The following TMEM217B variants were observed in gnomAD, a reference collection of about 807,000 sequenced individuals.
TMEM217B encodes the protein putative transmembrane protein 217B.
At chr6:37,215,394 G>A in the TMEM217B span, 1 of 1,282,428 alleles carries the variant, frequency 7.8e-7, no homozygotes, top group Admixed American at 2.5e-5. Flanking sequence ...AGCCAACATG[G>A]TGAAACCCCA....
the TMEM217B span, chr6:37,215,181 A>G: frequency 1.6e-5 from 25 of 1,612,294 alleles, no homozygotes; most frequent in African/African-American, 1.9e-4. Flanking sequence ...GGTACATTCT[A>G]TTCATTCAAT....
the TMEM217B span, among the ~76,000 whole-genome samples, chr6:37,229,346 T>TTTTTG: frequency 2.3e-5 from 3 of 128,202 alleles, 1 homozygote; most frequent in African/African-American, 9.2e-5. Flanking sequence ...TTTTTTTTTT[T>TTTTTG]TTTTTTTTTT....
chr6:37,233,233 C>T, the TMEM217B span, among the ~76,000 whole-genome samples: 1 of 152,058 alleles, frequency 6.6e-6, no homozygotes. Context: ...ATGTACCTTC[C>T]TCTTGCTCAT....
chr6:37,218,797 G>A, the TMEM217B span: 6 of 1,614,214 alleles, frequency 3.7e-6, no homozygotes, highest in Non-Finnish European at 5.1e-6. Flanking sequence ...GGAAGCAGCT[G>A]ATGAGGATGG....
the TMEM217B span, among the ~76,000 whole-genome samples, chr6:37,242,161 T>G: frequency 2.0e-5 from 3 of 152,172 alleles, no homozygotes; most frequent in Non-Finnish European, 4.4e-5. Flanking sequence ...CAGACTTCAG[T>G]GGTCCCACTG....
the TMEM217B span, among the ~76,000 whole-genome samples, chr6:37,252,597 G>A: frequency 5.1e-5 from 1 of 19,752 alleles, no homozygotes; most frequent in East Asian, 1.3e-3. Flanking sequence ...GTATGTGTGT[G>A]TGTGTGTGTG....
chr6:37,231,740 T>A, the TMEM217B span, among the ~76,000 whole-genome samples: 1 of 147,612 alleles, frequency 6.8e-6, no homozygotes, highest in South Asian at 2.1e-4. Flanking sequence ...ATATATATAT[T>A]ATATATATTA....
chr6:37,248,851 A>T, the TMEM217B span, among the ~76,000 whole-genome samples: 1 of 152,224 alleles, frequency 6.6e-6, no homozygotes, highest in Non-Finnish European at 1.5e-5. Context: ...GGCATAAAAC[A>T]ATAGAAATTT....
At chr6:37,253,802 C>T in the TMEM217B span, among the ~76,000 whole-genome samples, 3 of 152,196 alleles carry the variant, frequency 2.0e-5, no homozygotes, top group Non-Finnish European at 4.4e-5. Flanking sequence ...TGACTTTCCT[C>T]CTATAGTTCT....
chr6:37,247,714 C>T, the TMEM217B span, among the ~76,000 whole-genome samples: 2 of 152,156 alleles, frequency 1.3e-5, no homozygotes, highest in Non-Finnish European at 1.5e-5. Flanking sequence ...CAATGGACAA[C>T]AGGAGCTTAA....
At chr6:37,247,731 G>A in the TMEM217B span, among the ~76,000 whole-genome samples, 139,137 of 152,196 alleles carry the variant, frequency 0.91, 63,733 homozygotes, top group African/African-American at 0.98. Flanking sequence ...TTAATCCTGT[G>A]AAAAAAACTC....
chr6:37,245,973 A>AT, the TMEM217B span, among the ~76,000 whole-genome samples: 11 of 151,280 alleles, frequency 7.3e-5, no homozygotes, highest in East Asian at 1.9e-4. Flanking sequence ...CTAATTCTGT[A>AT]TTTTTTTTAG....
the TMEM217B span, among the ~76,000 whole-genome samples, chr6:37,252,528 A>G: frequency 6.6e-6 from 1 of 151,420 alleles, no homozygotes; most frequent in African/African-American, 2.4e-5. Flanking sequence ...ACATGCATAT[A>G]TATGTCAACA....
the TMEM217B span, among the ~76,000 whole-genome samples, chr6:37,248,510 T>C: frequency 6.6e-5 from 10 of 152,222 alleles, no homozygotes; most frequent in Non-Finnish European, 1.2e-4. Flanking sequence ...AATCTGCTTC[T>C]AGTTACTTCT....
chr6:37,228,973 G>C, the TMEM217B span, among the ~76,000 whole-genome samples: 1 of 151,768 alleles, frequency 6.6e-6, no homozygotes, highest in East Asian at 1.9e-4. Context: ...CTCCAGCCTG[G>C]GTGACAGAGA....
At chr6:37,217,522 G>T in the TMEM217B span, 1 of 566,466 alleles carries the variant, frequency 1.8e-6, no homozygotes, top group Non-Finnish European at 2.2e-6. Context: ...ACACTACAGA[G>T]TACAGCACAG....
chr6:37,219,953 A>G, the TMEM217B span, among the ~76,000 whole-genome samples: 1 of 152,234 alleles, frequency 6.6e-6, no homozygotes, highest in Non-Finnish European at 1.5e-5. Flanking sequence ...AATATGGATT[A>G]CAGTGAAAGA....
At chr6:37,252,589 ATG>A in the TMEM217B span, among the ~76,000 whole-genome samples, 43 of 29,602 alleles carry the variant, frequency 1.5e-3, no homozygotes, top group South Asian at 0.012. Flanking sequence ...GTGTACGTGT[ATG>A]TGTGTGTGTG....
At chr6:37,232,905 A>C in the TMEM217B span, among the ~76,000 whole-genome samples, 1 of 152,230 alleles carries the variant, frequency 6.6e-6, no homozygotes, top group African/African-American at 2.4e-5. Context: ...CCTTCTGCTT[A>C]TTCCTAAAGG....
Sources: gnomAD v4.1 joint callset for allele counts (sites outside exome capture counted in the v4.1 genomes callset) on GRCh38, gnomAD v4.1.1 for gene constraint, MANE v1.5 for transcripts, NCBI Gene and HGNC (gene_info 2026-07-23, HGNC 2026-07-21) for gene names.